MAPT: variants seen among roughly 807,000 people sequenced by gnomAD.
MAPT encodes the protein microtubule-associated protein tau.
MAPT carries 34 observed loss-of-function variants against 67.9 expected under a neutral mutation model. The ratio of observed to expected loss-of-function variants is 0.50; its 90% CI spans 0.38 to 0.67. MAPT has a LOEUF of 0.67. Among genes scored for constraint, MAPT ranks in the 30% least tolerant of loss-of-function variants. The pLI is 0.00. For missense variants in MAPT, 881 were observed against 1,115.2 expected, an observed-to-expected ratio of 0.79 and a Z score of 2.99; for synonymous variants, 456 against 464.5, an observed-to-expected ratio of 0.98 and a Z score of 0.23.
Position 45,971,848 on chromosome 17 carries a change from A to C in MAPT, c.134-11A>C. 6.2e-7 allele frequency: 1 copy of C among 1,601,598 alleles called. No individual in the cohort carries two copies. Among genetic ancestry groups the C allele is most frequent in the Non-Finnish European group, 8.6e-7 (1 of 1,168,632 alleles). On this transcript the variant is annotated splice_polypyrimidine_tract_variant and intron_variant, in intron 2 of 12. Transcript: ENST00000262410. The surrounding 1 kb of genome is among the most constrained non-coding windows in gnomAD (Gnocchi z 4.3). ...GGCCACCGTTCTGAGGGCTCACTGT[A>C]TGTGTTCCAGAATCTCCCCTGCAGA...
At chr17:45,947,685 G>C (rs1034636429) in intron 1 of MAPT, among the ~76,000 whole-genome samples, 4 of 151,996 alleles carry the variant, frequency 2.6e-5, no homozygotes, top group Non-Finnish European at 5.9e-5. Flanking sequence ...ACCGCGCCTG[G>C]CCTTGCTGTT....
rs180800909 is a variant in MAPT, at chr17:45,984,454, C to G, written c.1351+524C>G. Among the ~76,000 whole-genome samples the G allele has an allele frequency of 3.9e-5, 6 of 152,358 alleles. No homozygotes were observed. The East Asian group carries it at 1.2e-3, about 29-fold the overall frequency. On this transcript the variant is annotated intron_variant, in intron 5 of 12. Transcript: ENST00000262410. ...GTTGTCTCTGAAAGACACGCCTGTC[C>G]TGCATCCCACAACGCCTCCCAGGAG...
intron 9 of MAPT, among the ~76,000 whole-genome samples, chr17:46,000,916 G>A (rs982179822): frequency 2.6e-5 from 4 of 152,202 alleles, no homozygotes; most frequent in Admixed American, 2.6e-4. Flanking sequence ...CAGACACAGA[G>A]ACAAAGGACC....
At chr17:45,952,036 T>G (rs1395542202) in intron 1 of MAPT, among the ~76,000 whole-genome samples, 1 of 152,228 alleles carries the variant, frequency 6.6e-6, no homozygotes, top group Non-Finnish European at 1.5e-5. Flanking sequence ...GCCTTTTGGC[T>G]AAGATCAAGT....
At chr17:45,944,378 T>C (rs4479290) in intron 1 of MAPT, among the ~76,000 whole-genome samples, 21,813 of 152,102 alleles carry the variant, frequency 0.14, 2,136 homozygotes, top group Non-Finnish European at 0.22. Context: ...ACCTCCAAAC[T>C]CAGGGGCCCA....
rs1219827081 is a variant in MAPT, at chr17:46,027,312, A to G, written c.*3141A>G. On this transcript the variant is annotated 3_prime_UTR_variant, in exon 13 of 13. Coordinates refer to ENST00000262410, the MANE Select transcript of MAPT (RefSeq NM_001377265.1). ...GTGATCAGTGCTGGCAGATAAATTG[A>G]AAAGGCACGCTGGCTTGTGATCTTA... is the stretch of plus-strand genomic sequence containing the variant. 1 of 152,690 alleles carries G rather than the reference A, an allele frequency of 6.5e-6. No homozygotes were observed. Among genetic ancestry groups the G allele is most frequent in the Non-Finnish European group, 1.5e-5 (1 of 68,130 alleles). The allele number at this position is 152,690 out of a possible 1,614,324, so 9.5% of individuals were successfully genotyped here. A position where few individuals can be genotyped will look rare whatever the true frequency, so the allele number is the denominator to read the frequency against.
intron 1 of MAPT, among the ~76,000 whole-genome samples, chr17:45,926,030 G>C (rs943633984): frequency 8.5e-5 from 13 of 152,164 alleles, no homozygotes; most frequent in Middle Eastern, 3.4e-3. Context: ...GGCCAACATG[G>C]TGAAACCCCA....
At chr17:45,990,166 T>C in intron 7 of MAPT, 91 bp downstream of exon 7, 1 of 1,173,012 alleles carries the variant, frequency 8.5e-7, no homozygotes. Flanking sequence ...CTCAAAGACC[T>C]TTCTTCAAAT....
intron 12 of MAPT, among the ~76,000 whole-genome samples, chr17:46,021,437 A>G (rs1460122485): frequency 6.6e-6 from 1 of 152,154 alleles, no homozygotes; most frequent in Non-Finnish European, 1.5e-5. Context: ...GGCACTTTAA[A>G]GATATCTGGG....
chr17:45,926,909 A>G (rs542173722), intron 1 of MAPT, among the ~76,000 whole-genome samples: 3 of 150,736 alleles, frequency 2.0e-5, no homozygotes, highest in South Asian at 2.1e-4. Flanking sequence ...GTGTGTATGT[A>G]TGTGTGTATA....
rs569746502 is a variant in MAPT, at chr17:45,926,645, T to C, written c.-18+31959T>C. ...TTTTAAAAATCTATAAGAGACATTA[T>C]TGGACAATTAGAGAAATTCACATAT... On this transcript the variant is annotated intron_variant, in intron 1 of 12. Coordinates refer to ENST00000262410, the MANE Select transcript of MAPT (RefSeq NM_001377265.1). 8.1e-4 allele frequency among the ~76,000 whole-genome samples: 123 copies of C among 152,300 alleles called. 1 individual carries two copies. In the South Asian group the frequency reaches 0.025, roughly 31 times the overall value.
At chr17:45,969,941 TCATCCATCCATC>T (rs902473286) in intron 2 of MAPT, among the ~76,000 whole-genome samples, 45 of 147,224 alleles carry the variant, frequency 3.1e-4, no homozygotes, top group African/African-American at 1.1e-3. Flanking sequence ...CATCATCCAT[TCATCCATCCATC>T]CATCCATCCA....
chr17:46,010,292 T>C lies in MAPT; in HGVS notation c.1999-18T>C. 1 of 1,543,822 alleles carries C rather than the reference T, an allele frequency of 6.5e-7. No individual in the cohort carries two copies. The highest frequency in any genetic ancestry group is 8.8e-7 in the Non-Finnish European group (1 of 1,138,228). Reference sequence around the variant, plus strand: ...TCCAGGGTGGCGTGTCACTCATCCTTTTTTCTGGCTACCAAAGGTGCAGAT... The same window carrying C: ...TCCAGGGTGGCGTGTCACTCATCCTCTTTTCTGGCTACCAAAGGTGCAGAT... On this transcript the variant is annotated intron_variant, in intron 9 of 12. Coordinates refer to ENST00000262410, the MANE Select transcript of MAPT (RefSeq NM_001377265.1). This position sits in a 1 kb window ranked among gnomAD's most constrained non-coding sequence, Gnocchi z 4.7.
chr17:45,924,857 G>C (rs536309682), intron 1 of MAPT, among the ~76,000 whole-genome samples: 67 of 151,870 alleles, frequency 4.4e-4, no homozygotes, highest in Non-Finnish European at 5.9e-4. Context: ...GGCCATTGCT[G>C]GGGGGTGGCA....
chr17:45,990,002 C>G lies in MAPT; in HGVS notation c.1532C>G (p.Pro511Arg). 3 of 1,614,206 alleles carry G rather than the reference C, an allele frequency of 1.9e-6. No individual in the cohort carries two copies. The highest frequency in any genetic ancestry group is 2.5e-6 in the Non-Finnish European group (3 of 1,180,042). ...PSSPAVCPEP[P>R]SSPKYVSSVT... ...AGCCCTGCTGTGTGCCCAGAGCCAC[C>G]TTCCTCTCCTAAATACGTCTCTTCT... is the stretch of plus-strand genomic sequence containing the variant. Residue 511 changes from proline (P) to arginine (R), a missense_variant, in exon 7 of 13, where the codon CCT becomes CGT. Pro to Arg is a moderately radical substitution (Grantham distance 103). Around this residue, in one of 6 missense-constraint regions of MAPT, gnomAD observed 687 missense variants for 766.1 expected, o/e 0.90. Transcript: ENST00000262410.
intron 9 of MAPT, among the ~76,000 whole-genome samples, chr17:46,005,977 C>A (rs375175617): frequency 1.2e-4 from 18 of 152,230 alleles, no homozygotes; most frequent in African/African-American, 3.9e-4. Context: ...GCGAGCCTCA[C>A]ATGGCCTCCT....
rs62063850 is a variant in MAPT at position 45,996,373 on chromosome 17, G to A, written c.1733-26G>A. ...TCTGACCCCACCCACTCGAGTCCTG[G>A]CTTCACTCCCTTCCTTCCTTCCCAG... On this transcript the variant is annotated intron_variant, in intron 8 of 12. Coordinates refer to ENST00000262410, the MANE Select transcript of MAPT (RefSeq NM_001377265.1). The surrounding 1 kb of genome is among the most constrained non-coding windows in gnomAD (Gnocchi z 4.5). 304,285 of 1,607,512 alleles carry A rather than the reference G, an allele frequency of 0.19. 32,793 individuals carry two copies. Among genetic ancestry groups the A allele is most frequent in the Non-Finnish European group, 0.22 (261,087 of 1,179,284 alleles).
intron 1 of MAPT, among the ~76,000 whole-genome samples, chr17:45,944,966 C>T (rs1396060308): frequency 6.6e-6 from 1 of 152,244 alleles, no homozygotes; most frequent in Non-Finnish European, 1.5e-5. Flanking sequence ...AGACTCTCTC[C>T]TCACTCTCTC....
At chr17:46,013,582 C>T (rs2075968436) in intron 10 of MAPT, among the ~76,000 whole-genome samples, 1 of 152,226 alleles carries the variant, frequency 6.6e-6, no homozygotes, top group Non-Finnish European at 1.5e-5. Flanking sequence ...TTGCTAAAGA[C>T]AGGAATGTCC....
Sources: allele counts gnomAD v4.1 joint callset (sites outside exome capture counted in the v4.1 genomes callset), GRCh38; gene constraint gnomAD v4.1.1; regional missense constraint gnomAD v4.1.1; non-coding constraint Gnocchi (gnomAD v3.1); transcripts MANE v1.5; gene names NCBI Gene and HGNC (gene_info 2026-07-23, HGNC 2026-07-21).